SEMA6A: variants seen among roughly 807,000 people sequenced by gnomAD.
SEMA6A encodes semaphorin-6A.
SEMA6A carries 25 observed loss-of-function variants against 96.8 expected under a neutral mutation model. That is an observed-to-expected ratio of 0.26 (90% CI 0.19 to 0.36). SEMA6A has a LOEUF of 0.36. Among genes scored for constraint, SEMA6A ranks in the 10% least tolerant of loss-of-function variants. The pLI, the probability that SEMA6A is intolerant of heterozygous loss-of-function variation, is 1.00. For synonymous variants in SEMA6A, 612 were observed against 518.0 expected, an observed-to-expected ratio of 1.18 and a Z score of -2.46; for missense variants, 1,363 against 1,323.1, an observed-to-expected ratio of 1.03 and a Z score of -0.47.
At chr5:116,551,774 T>G in intron 1 of SEMA6A, among the ~76,000 whole-genome samples, 1 of 152,238 alleles carries the variant, frequency 6.6e-6, no homozygotes. Context: ...GAGGTCGTAA[T>G]CACAACAAGC....
At position 116,510,097 on chromosome 5, in the gene SEMA6A, A is replaced by G. The variant is rs540216643; in HGVS notation, c.-38-5115T>C. 2.9e-4 allele frequency among the ~76,000 whole-genome samples: 44 copies of G among 152,202 alleles called. No homozygotes were observed. In the South Asian group the frequency reaches 3.7e-3, roughly 13 times the overall value. On this transcript the variant is annotated intron_variant, in intron 1 of 18. Coordinates refer to ENST00000343348, the MANE Select transcript of SEMA6A (RefSeq NM_020796.5). ...ACTGGACTGCAATAGGCACATCATG[A>G]AAAGTGGTGAAAAGTTCATCAAGCG...
chr5:116,526,857 G>T (rs1255507153), intron 1 of SEMA6A, among the ~76,000 whole-genome samples: 1 of 152,102 alleles, frequency 6.6e-6, no homozygotes, highest in East Asian at 1.9e-4. Context: ...AATGTAAGAT[G>T]CTGGTATTCT....
At chr5:116,535,124 G>A (rs1175490188) in intron 1 of SEMA6A, among the ~76,000 whole-genome samples, 1 of 152,198 alleles carries the variant, frequency 6.6e-6, no homozygotes, top group African/African-American at 2.4e-5. Context: ...AAGGAAGGAG[G>A]GCAGCCTGGC....
chr5:116,498,734 C>CT (rs1157591362), intron 3 of SEMA6A: 1 of 152,142 alleles, frequency 6.6e-6, no homozygotes, highest in Non-Finnish European at 1.5e-5. Context: ...TTATTACTTG[C>CT]TTGACTTTAT....
At chr5:116,545,196 G>A (rs763188885) in intron 1 of SEMA6A, among the ~76,000 whole-genome samples, 18 of 152,180 alleles carry the variant, frequency 1.2e-4, no homozygotes, top group Non-Finnish European at 7.3e-5. Flanking sequence ...AGCCAGTCGG[G>A]TTTAGCTTAG....
At chr5:116,532,128 C>A (rs142809923) in intron 1 of SEMA6A, among the ~76,000 whole-genome samples, 1 of 152,144 alleles carries the variant, frequency 6.6e-6, no homozygotes, top group Admixed American at 6.5e-5. Flanking sequence ...AATTTATGTT[C>A]GAGTGCTATT....
chr5:116,536,508 C>CT (rs1759717555), intron 1 of SEMA6A: 1 of 152,084 alleles, frequency 6.6e-6, no homozygotes, highest in Admixed American at 6.5e-5. Context: ...GTACATTTCA[C>CT]GGAGGTGGGA....
intron 18 of SEMA6A, among the ~76,000 whole-genome samples, chr5:116,467,172 C>T (rs1398250805): frequency 6.6e-6 from 1 of 152,136 alleles, no homozygotes; most frequent in African/African-American, 2.4e-5. Flanking sequence ...TTTCTCAATT[C>T]ACTGATTAAC....
In SEMA6A at chr5:116,476,795, G is replaced by A. The variant is rs1432678974; in HGVS notation, c.1649+1051C>T. ...GAGGGTTCCCATGCAAAGGTACAGA[G>A]CTCTAAGATTATAGCATGTCAATAA... On this transcript the variant is annotated intron_variant, in intron 15 of 18. Transcript: ENST00000343348. Among the ~76,000 whole-genome samples, 3 of 152,266 alleles carry A rather than the reference G, an allele frequency of 2.0e-5. No homozygotes were observed. The East Asian group carries it at 5.8e-4, about 29-fold the overall frequency.
At chr5:116,484,134 T>C (rs1258050312) in intron 10 of SEMA6A, among the ~76,000 whole-genome samples, 6 of 152,082 alleles carry the variant, frequency 3.9e-5, no homozygotes, top group Non-Finnish European at 1.5e-5. Context: ...TTGCATTATT[T>C]ATTTGATTTC....
intron 7 of SEMA6A, among the ~76,000 whole-genome samples, 157 bp downstream of exon 7, chr5:116,491,583 T>C (rs551213227): frequency 6.6e-6 from 1 of 152,054 alleles, no homozygotes; most frequent in East Asian, 1.9e-4. Flanking sequence ...AAAGTACAAT[T>C]TTCATACTAA....
intron 1 of SEMA6A, among the ~76,000 whole-genome samples, chr5:116,511,661 C>G (rs567604813): frequency 6.6e-6 from 1 of 152,182 alleles, no homozygotes; most frequent in Admixed American, 6.5e-5. Context: ...CAGTTGCTCC[C>G]AAACATGTAG....
intron 2 of SEMA6A, among the ~76,000 whole-genome samples, chr5:116,502,941 T>C (rs1012300030): frequency 3.3e-5 from 5 of 152,218 alleles, no homozygotes; most frequent in African/African-American, 1.2e-4. Context: ...CACAGAGATG[T>C]GGGCTTTGAC....
At chr5:116,560,375 C>T (rs539354797) in intron 1 of SEMA6A, among the ~76,000 whole-genome samples, 53 of 152,106 alleles carry the variant, frequency 3.5e-4, no homozygotes, top group African/African-American at 1.2e-3. Context: ...ACTAGTTCAT[C>T]GCTGCATCTC....
At chr5:116,463,382 T>G (rs1398244407) in intron 18 of SEMA6A, among the ~76,000 whole-genome samples, 1 of 152,190 alleles carries the variant, frequency 6.6e-6, no homozygotes, top group Non-Finnish European at 1.5e-5. Flanking sequence ...GATTAAATAA[T>G]TAACTATAAA....
chr5:116,510,153 C>T (rs1027103083), intron 1 of SEMA6A, among the ~76,000 whole-genome samples: 7 of 152,076 alleles, frequency 4.6e-5, no homozygotes, highest in Non-Finnish European at 8.8e-5. Context: ...TGCTATACTG[C>T]CTAGTCTCAA....
chr5:116,496,394 A>G, intron 4 of SEMA6A, 81 bp from the exon 5 acceptor site: 1 of 1,165,526 alleles, frequency 8.6e-7, no homozygotes, highest in South Asian at 1.3e-5. Flanking sequence ...CCTTGGGGAG[A>G]CTAAAGGCTG....
rs1240656443 is a variant in SEMA6A at position 116,574,476 on chromosome 5, A to G, written c.-330T>C. 1 of 152,092 alleles carries G rather than the reference A, an allele frequency of 6.6e-6. No homozygotes were observed. The highest frequency in any genetic ancestry group is 1.5e-5 in the Non-Finnish European group (1 of 68,090). 9.4% of individuals were successfully genotyped at this position (152,092 alleles called of 1,614,324 possible). On this transcript the variant is annotated 5_prime_UTR_variant, in exon 1 of 19. Coordinates refer to ENST00000343348, the MANE Select transcript of SEMA6A (RefSeq NM_020796.5). ...AAGAAAAAGAAAAAGAAAACCAACA[A>G]GGAAGAGGGTAAATGTTCAAGAAAC...
At chr5:116,452,538 C>CT (rs1237975026) in intron 18 of SEMA6A, among the ~76,000 whole-genome samples, 4 of 152,040 alleles carry the variant, frequency 2.6e-5, no homozygotes, top group African/African-American at 9.7e-5. Flanking sequence ...GACCCTGCCC[C>CT]TAGACCCTGC....
Sources: gnomAD v4.1 joint callset for allele counts (sites outside exome capture counted in the v4.1 genomes callset) on GRCh38, gnomAD v4.1.1 for gene constraint, MANE v1.5 for transcripts, NCBI Gene and HGNC (gene_info 2026-07-23, HGNC 2026-07-21) for gene names.